ACTN2: variants seen among roughly 807,000 people sequenced by gnomAD.
ACTN2 encodes the protein actinin alpha 2, also known as alpha-actinin-2.
In ACTN2, 39 loss-of-function variants were observed where a neutral mutation model predicts 113.8. That is an observed-to-expected ratio of 0.34 (90% CI 0.27 to 0.45). ACTN2 has a LOEUF of 0.45. ACTN2 is among the 20% of genes least tolerant of loss of function. The pLI is 1.00. For missense variants in ACTN2, 992 were observed against 1,177.9 expected (o/e 0.84, Z 2.31); for synonymous variants, 429 against 444.1 (o/e 0.97, Z 0.43).
chr1:236,737,017 C>T, intron 8 of ACTN2, 105 bp from the exon 9 acceptor site: 2 of 897,724 alleles, frequency 2.2e-6, no homozygotes, highest in Non-Finnish European at 3.6e-6. Flanking sequence ...GCACCGTCTA[C>T]AGCACGCCAC....
chr1:236,707,618 A>T (rs1257591509), intron 1 of ACTN2, among the ~76,000 whole-genome samples: 1 of 151,508 alleles, frequency 6.6e-6, no homozygotes, highest in Non-Finnish European at 1.5e-5. Flanking sequence ...CTTATAATCC[A>T]TCATACCTCA....
At chr1:236,697,032 A>C (rs1395539216) in intron 1 of ACTN2, among the ~76,000 whole-genome samples, 1 of 152,198 alleles carries the variant, frequency 6.6e-6, no homozygotes, top group Non-Finnish European at 1.5e-5. Context: ...ACTGAATTCT[A>C]ATCATTTCTA....
intron 6 of ACTN2, among the ~76,000 whole-genome samples, chr1:236,729,207 C>T (rs986566340): frequency 6.6e-6 from 1 of 152,028 alleles, no homozygotes; most frequent in East Asian, 2.0e-4. Context: ...CGCCTGTAAT[C>T]CCAGCTACTC....
intron 2 of ACTN2, among the ~76,000 whole-genome samples, chr1:236,718,645 AGACTCTCCC>A (rs887482115): frequency 6.6e-6 from 1 of 152,180 alleles, no homozygotes; most frequent in African/African-American, 2.4e-5. Context: ...GGGCCAAACC[AGACTCTCCC>A]TGCAGATCTG....
intron 18 of ACTN2, among the ~76,000 whole-genome samples, chr1:236,759,284 C>T (rs1040562547): frequency 2.6e-5 from 4 of 152,234 alleles, no homozygotes; most frequent in Non-Finnish European, 5.9e-5. Flanking sequence ...AAGACACTCT[C>T]ACTCATTGGG....
chr1:236,739,776 G>C lies in ACTN2; in HGVS notation c.1107+244G>C, dbSNP rs1340199162. On this transcript the variant is annotated intron_variant, in intron 10 of 20. Transcript: ENST00000366578. ...AGCAGACCTTTAGGAAACGCTCGATGAACAGCCTCTTTCTCTCGTCCCTCC... is the reference window on the plus strand; with the variant it reads ...AGCAGACCTTTAGGAAACGCTCGATCAACAGCCTCTTTCTCTCGTCCCTCC... 3.3e-5 allele frequency among the ~76,000 whole-genome samples: 5 copies of C among 152,288 alleles called. No individual in the cohort carries two copies. In the South Asian group the frequency reaches 6.2e-4, roughly 19 times the overall value.
chr1:236,746,731 G>T (rs1352319229), intron 12 of ACTN2, among the ~76,000 whole-genome samples: 2 of 151,928 alleles, frequency 1.3e-5, no homozygotes, highest in Non-Finnish European at 2.9e-5. Context: ...AATTGCTTCA[G>T]TGGTGTGCAC....
chr1:236,695,433 A>G (rs1412276972), intron 1 of ACTN2, among the ~76,000 whole-genome samples: 7 of 151,188 alleles, frequency 4.6e-5, no homozygotes, highest in Admixed American at 2.6e-4. Flanking sequence ...AAAAAAGAAC[A>G]TCAATAATTG....
At chr1:236,687,017 A>C (rs1292185248) in intron 1 of ACTN2, among the ~76,000 whole-genome samples, 1 of 151,840 alleles carries the variant, frequency 6.6e-6, no homozygotes, top group Non-Finnish European at 1.5e-5. Flanking sequence ...GCGCGCTAGC[A>C]GCATCGGAGG....
At chr1:236,756,751 A>T (rs1331106043) in intron 17 of ACTN2, among the ~76,000 whole-genome samples, 1 of 7,994 alleles carries the variant, frequency 1.3e-4, no homozygotes, top group African/African-American at 3.6e-4. Context: ...GAACCCTGGT[A>T]ATAGAGTATA....
rs767655336 is a variant in ACTN2, at chr1:236,755,203, G to A, written c.2154+5G>A. 5.8e-5 allele frequency: 93 copies of A among 1,613,942 alleles called. No homozygotes were observed. The highest frequency in any genetic ancestry group is 7.5e-5 in the Non-Finnish European group (89 of 1,180,050). On this transcript the variant is annotated splice_donor_5th_base_variant and intron_variant, in intron 17 of 20. Coordinates refer to ENST00000366578, the MANE Select transcript of ACTN2 (RefSeq NM_001103.4). ...CACACGAACTACACGATGGAGGTAC[G>A]GCAGCCAGACAGGCGTGTGCCGCTC... is the stretch of plus-strand genomic sequence containing the variant.
At position 236,731,303 on chromosome 1, in the gene ACTN2, T is replaced by G. The variant is rs141793230; in HGVS notation, c.686T>G (p.Leu229Trp). ...AAGCACCTGGATATTCCTAAAATGT[T>G]GGATGCTGAAGGTGAGATGAAAATT... ...AEKHLDIPKM[L>W]DAEDIVNTPK... Residue 229 changes from leucine to tryptophan, a missense_variant, in exon 7 of 21, where the codon TTG (leucine) becomes TGG (tryptophan). Around this residue, in one of 3 missense-constraint regions of ACTN2, gnomAD observed 220 missense variants for 337.5 expected, o/e 0.65. Transcript: ENST00000366578. 6.2e-7 allele frequency: 1 copy of G among 1,613,374 alleles called. No individual in the cohort carries two copies. The highest frequency in any genetic ancestry group is 8.5e-7 in the Non-Finnish European group (1 of 1,179,408).
chr1:236,729,288 C>G (rs1658649762), intron 6 of ACTN2, among the ~76,000 whole-genome samples: 1 of 152,088 alleles, frequency 6.6e-6, no homozygotes, highest in Admixed American at 6.5e-5. Context: ...GGCACCACTG[C>G]CCTCCAGCCT....
chr1:236,697,561 A>G (rs1657545230), intron 1 of ACTN2, among the ~76,000 whole-genome samples: 1 of 152,174 alleles, frequency 6.6e-6, no homozygotes, highest in Non-Finnish European at 1.5e-5. Context: ...GGATGAAAAC[A>G]TCATGTATTA....
intron 1 of ACTN2, among the ~76,000 whole-genome samples, chr1:236,706,027 C>A (rs1341760498): frequency 1.3e-5 from 2 of 152,160 alleles, no homozygotes; most frequent in African/African-American, 4.8e-5. Context: ...TTAACCTCTC[C>A]ACTTAAAGTG....
chr1:236,731,735 C>G (rs1658717791), intron 7 of ACTN2, among the ~76,000 whole-genome samples: 1 of 152,162 alleles, frequency 6.6e-6, no homozygotes, highest in African/African-American at 2.4e-5. Context: ...TCCTTCCAGC[C>G]AGAAGTTAGA....
intron 11 of ACTN2, among the ~76,000 whole-genome samples, chr1:236,744,358 T>G (rs532740128): frequency 1.3e-5 from 2 of 152,306 alleles, no homozygotes; most frequent in South Asian, 4.1e-4. Context: ...AGACTACAAA[T>G]TGGTTTTTTT....
intron 6 of ACTN2, among the ~76,000 whole-genome samples, chr1:236,729,230 A>G (rs974961561): frequency 2.6e-5 from 4 of 152,100 alleles, no homozygotes; most frequent in African/African-American, 9.7e-5. Context: ...GAGGCAAGGC[A>G]GGAGAATGGC....
At chr1:236,735,336 C>G (rs866906782) in intron 7 of ACTN2, among the ~76,000 whole-genome samples, 1 of 152,162 alleles carries the variant, frequency 6.6e-6, no homozygotes, top group African/African-American at 2.4e-5. Context: ...CTGCAACAGA[C>G]CAGGTTTCCA....
Sources: allele counts gnomAD v4.1 joint callset (sites outside exome capture counted in the v4.1 genomes callset), GRCh38; gene constraint gnomAD v4.1.1; regional missense constraint gnomAD v4.1.1; transcripts MANE v1.5; gene names NCBI Gene and HGNC (gene_info 2026-07-23, HGNC 2026-07-21).